ROR1: variants seen among roughly 807,000 people sequenced by gnomAD.
The protein encoded by ROR1 is ROR family WNT receptor 1.
Under a neutral mutation model 78.8 loss-of-function variants are expected in ROR1, and 19 were observed. The observed-to-expected ratio is 0.24, with a 90% CI of 0.17 to 0.35. ROR1 has a LOEUF of 0.35. ROR1 is among the 10% of genes least tolerant of loss of function. ROR1 has a pLI of 1.00. For synonymous variants in ROR1, 386 were observed against 433.6 expected (o/e 0.89, Z 1.36); for missense variants, 917 against 1,177.8 (o/e 0.78, Z 3.24).
intron 1 of ROR1, among the ~76,000 whole-genome samples, chr1:63,848,564 G>T (rs1349041523): frequency 6.6e-6 from 1 of 152,126 alleles, no homozygotes; most frequent in African/African-American, 2.4e-5. Context: ...ATTTCAGATA[G>T]TGGAGGCCTG....
intron 1 of ROR1, among the ~76,000 whole-genome samples, chr1:63,828,088 G>A (rs1290757124): frequency 6.6e-6 from 1 of 152,126 alleles, no homozygotes; most frequent in African/African-American, 2.4e-5. Context: ...CAGCATTCTA[G>A]TTTTTGTACA....
intron 2 of ROR1, among the ~76,000 whole-genome samples, chr1:64,036,240 G>C (rs973123165): frequency 2.6e-5 from 4 of 152,122 alleles, no homozygotes; most frequent in Admixed American, 1.3e-4. Context: ...TGGCTCCCTA[G>C]TGCCATCCAT....
rs546999226 is a variant in ROR1 at position 63,819,674 on chromosome 1, A to T, written c.91+45166A>T. On this transcript the variant is annotated intron_variant, in intron 1 of 8. Transcript: ENST00000371079. ...AAATACCTGTTGGTTGAAATAGTTG[A>T]TTGGAGGAATAAAAATTGCCTGGAA... 1.8e-4 allele frequency among the ~76,000 whole-genome samples: 27 copies of T among 152,282 alleles called. No homozygotes were observed. In the South Asian group the frequency reaches 5.6e-3, roughly 32 times the overall value.
At chr1:64,113,141 T>G (rs6687328) in intron 4 of ROR1, among the ~76,000 whole-genome samples, 20,446 of 152,194 alleles carry the variant, frequency 0.13, 1,515 homozygotes, top group African/African-American at 0.18. Context: ...CCTGCATCTT[T>G]TGTTTCTCTT....
intron 1 of ROR1, among the ~76,000 whole-genome samples, chr1:63,856,426 T>A (rs919055524): frequency 6.6e-6 from 1 of 152,200 alleles, no homozygotes; most frequent in Admixed American, 6.5e-5. Flanking sequence ...GGATATTTCT[T>A]TCCCCAGTGC....
chr1:63,963,974 A>G (rs770746256), intron 1 of ROR1, among the ~76,000 whole-genome samples: 2 of 152,150 alleles, frequency 1.3e-5, no homozygotes, highest in African/African-American at 2.4e-5. Flanking sequence ...TGAGCAAAAG[A>G]CACACTTCCA....
chr1:63,809,352 G>A (rs1163426718), intron 1 of ROR1, among the ~76,000 whole-genome samples: 2 of 152,156 alleles, frequency 1.3e-5, no homozygotes, highest in Non-Finnish European at 1.5e-5. Flanking sequence ...GGAACAAAGC[G>A]GGAGAACAAG....
At chr1:63,840,654 CA>C (rs1318562431) in intron 1 of ROR1, among the ~76,000 whole-genome samples, 1 of 152,074 alleles carries the variant, frequency 6.6e-6, no homozygotes, top group East Asian at 1.9e-4. Flanking sequence ...GAGTTGAAGG[CA>C]AATAGTTTCA....
chr1:64,017,542 C>T (rs1646531080), intron 2 of ROR1, among the ~76,000 whole-genome samples: 1 of 152,256 alleles, frequency 6.6e-6, no homozygotes, highest in East Asian at 1.9e-4. Context: ...GATTTGCCAT[C>T]AGCCCCCCTG....
chr1:63,778,483 G>A (rs1644630818), intron 1 of ROR1, among the ~76,000 whole-genome samples: 1 of 152,162 alleles, frequency 6.6e-6, no homozygotes, highest in Non-Finnish European at 1.5e-5. Flanking sequence ...CACACTCCAT[G>A]GAGGCCCCAC....
chr1:63,801,990 G>T (rs1346914814), intron 1 of ROR1, among the ~76,000 whole-genome samples: 4 of 152,144 alleles, frequency 2.6e-5, no homozygotes, highest in African/African-American at 7.2e-5. Flanking sequence ...TTTTAGATAC[G>T]TATAATGCCC....
intron 1 of ROR1, among the ~76,000 whole-genome samples, chr1:63,849,546 A>G (rs1645101041): frequency 6.6e-6 from 1 of 152,094 alleles, no homozygotes; most frequent in Non-Finnish European, 1.5e-5. Flanking sequence ...AAAAATAAAA[A>G]AAGTTGGCGG....
intron 1 of ROR1, among the ~76,000 whole-genome samples, chr1:63,847,827 T>G (rs2132161): frequency 0.4 from 60,922 of 152,014 alleles, 12,561 homozygotes; most frequent in Middle Eastern, 0.49. Flanking sequence ...TACTCCCTGC[T>G]GCTGATAAGT....
At chr1:63,799,479 G>A (rs1301065068) in intron 1 of ROR1, among the ~76,000 whole-genome samples, 1 of 152,210 alleles carries the variant, frequency 6.6e-6, no homozygotes, top group African/African-American at 2.4e-5. Context: ...GCCTGTCATA[G>A]TGTCTGTATG....
chr1:63,861,878 T>A (rs935274027), intron 1 of ROR1, among the ~76,000 whole-genome samples: 1 of 152,164 alleles, frequency 6.6e-6, no homozygotes, highest in Non-Finnish European at 1.5e-5. Context: ...TATAGGACTT[T>A]AGAGTGGAGA....
chr1:63,845,194 CATA>C (rs1211589197), intron 1 of ROR1, among the ~76,000 whole-genome samples: 2 of 152,098 alleles, frequency 1.3e-5, no homozygotes, highest in African/African-American at 4.8e-5. Context: ...TGAGTTTCTC[CATA>C]TATGTGTTAA....
intron 1 of ROR1, among the ~76,000 whole-genome samples, chr1:63,967,206 T>G (rs1646082329): frequency 6.6e-6 from 1 of 152,204 alleles, no homozygotes; most frequent in Non-Finnish European, 1.5e-5. Flanking sequence ...TTTATGCAAC[T>G]TGTTGGATAG....
intron 1 of ROR1, among the ~76,000 whole-genome samples, chr1:63,891,174 T>A (rs1645392850): frequency 6.6e-6 from 1 of 152,200 alleles, no homozygotes; most frequent in South Asian, 2.1e-4. Context: ...TCCAGTTTGC[T>A]AAGAAATTCT....
At chr1:63,844,154 G>T (rs1192994482) in intron 1 of ROR1, among the ~76,000 whole-genome samples, 3 of 152,162 alleles carry the variant, frequency 2.0e-5, no homozygotes, top group Non-Finnish European at 4.4e-5. Flanking sequence ...GGTTGGTGAG[G>T]AATTAATCAG....
Sources: gnomAD v4.1 joint callset for allele counts (sites outside exome capture counted in the v4.1 genomes callset) on GRCh38, gnomAD v4.1.1 for gene constraint, MANE v1.5 for transcripts, NCBI Gene and HGNC (gene_info 2026-07-23, HGNC 2026-07-21) for gene names.